Variants in CDH4 observed in about 807,000 individuals in gnomAD.
CDH4 encodes the protein cadherin 4.
CDH4 carries 33 observed loss-of-function variants against 86.0 expected under a neutral mutation model. The observed-to-expected ratio is 0.38, with a 90% CI of 0.29 to 0.51. The LOEUF (loss-of-function observed/expected upper bound fraction) is 0.51. Among genes scored for constraint, CDH4 ranks in the 20% least tolerant of loss-of-function variants. CDH4 has a pLI of 0.86. For missense variants in CDH4, 1,114 were observed against 1,307.4 expected (o/e 0.85, Z 2.28); for synonymous variants, 555 against 549.4 (o/e 1.01, Z -0.14).
chr20:61,523,928 C>T (rs1435056717), intron 2 of CDH4, among the ~76,000 whole-genome samples: 3 of 152,192 alleles, frequency 2.0e-5, no homozygotes, highest in African/African-American at 7.2e-5. Flanking sequence ...TGGACAACAC[C>T]CGCCACTTTG....
At chr20:61,491,165 T>A (rs1366182681) in intron 2 of CDH4, among the ~76,000 whole-genome samples, 1 of 152,248 alleles carries the variant, frequency 6.6e-6, no homozygotes, top group Non-Finnish European at 1.5e-5. Context: ...ATGTTGGGTT[T>A]TCTAATTAGA....
At position 61,550,728 on chromosome 20, in the gene CDH4, A is replaced by C. The variant is rs1209177232; in HGVS notation, c.170-192835A>C. Among the ~76,000 whole-genome samples, 5 of 152,298 alleles carry C rather than the reference A, an allele frequency of 3.3e-5. No individual in the cohort carries two copies. In the East Asian group the frequency reaches 9.7e-4, roughly 29 times the overall value. ...CTCTTCTTTGGGCTCCTTGCAGTGC[A>C]GAGAGCCACATGGTGGTGTCTGTGC... On this transcript the variant is annotated intron_variant, in intron 2 of 15. Coordinates refer to ENST00000614565, the MANE Select transcript of CDH4 (RefSeq NM_001794.5).
At chr20:61,769,411 G>T (rs1268179316) in intron 3 of CDH4, among the ~76,000 whole-genome samples, 1 of 152,170 alleles carries the variant, frequency 6.6e-6, no homozygotes, top group Admixed American at 6.5e-5. Flanking sequence ...CCGGGTGGGT[G>T]CAGGAAACAT....
At chr20:61,567,635 C>A (rs2086309773) in intron 2 of CDH4, among the ~76,000 whole-genome samples, 1 of 152,198 alleles carries the variant, frequency 6.6e-6, no homozygotes, top group Non-Finnish European at 1.5e-5. Flanking sequence ...CTGTTGCAGA[C>A]CATGCCGGGT....
intron 13 of CDH4, among the ~76,000 whole-genome samples, chr20:61,932,482 A>G (rs1190229397): frequency 1.3e-5 from 2 of 152,120 alleles, no homozygotes; most frequent in East Asian, 1.9e-4. Context: ...CTCACGCCCC[A>G]TGAGCATACA....
intron 15 of CDH4, among the ~76,000 whole-genome samples, chr20:61,934,821 A>C (rs4925318): frequency 6.7e-6 from 1 of 149,254 alleles, no homozygotes; most frequent in South Asian, 2.1e-4. Flanking sequence ...CCACCTGCCC[A>C]ACCTGACACT....
intron 5 of CDH4, among the ~76,000 whole-genome samples, chr20:61,849,179 G>A (rs749559628): frequency 5.3e-5 from 8 of 151,946 alleles, no homozygotes; most frequent in Admixed American, 4.6e-4. Flanking sequence ...CTGTCCCACC[G>A]AGATGGAGGC....
chr20:61,471,712 A>G (rs910207265), intron 2 of CDH4, among the ~76,000 whole-genome samples: 12 of 151,784 alleles, frequency 7.9e-5, no homozygotes, highest in African/African-American at 2.4e-4. Flanking sequence ...TTTTGTTTCC[A>G]TTATAATGTT....
intron 2 of CDH4, among the ~76,000 whole-genome samples, chr20:61,331,790 C>T (rs567167112): frequency 1.3e-3 from 147 of 113,514 alleles, no homozygotes; most frequent in African/African-American, 4.5e-3. Flanking sequence ...AGCCTGCCTG[C>T]AGCAGTCTTG....
chr20:61,826,808 T>TA (rs1981337297), intron 4 of CDH4, among the ~76,000 whole-genome samples: 1 of 152,194 alleles, frequency 6.6e-6, no homozygotes, highest in Non-Finnish European at 1.5e-5. Context: ...CATGGCCTCC[T>TA]ACCTGTCTCC....
chr20:61,285,248 A>G (rs977403049), intron 2 of CDH4, among the ~76,000 whole-genome samples: 17 of 152,228 alleles, frequency 1.1e-4, no homozygotes, highest in African/African-American at 4.1e-4. Flanking sequence ...CCCGTGTGAC[A>G]TCGTCAAGGT....
chr20:61,633,158 TCATCCACCCATCCATCCACCCATC>T (rs1359301780), intron 2 of CDH4, among the ~76,000 whole-genome samples: 1 of 130,576 alleles, frequency 7.7e-6, no homozygotes, highest in Non-Finnish European at 1.7e-5. Flanking sequence ...ATCCACCCAT[TCATCCACCCATCCATCCACCCATC>T]CATCCTCCAT....
intron 4 of CDH4, among the ~76,000 whole-genome samples, chr20:61,827,426 A>G (rs1196544252): frequency 6.6e-6 from 1 of 152,212 alleles, no homozygotes; most frequent in Admixed American, 6.5e-5. Flanking sequence ...TTTGTGTCCT[A>G]TGGAATAAAG....
chr20:61,317,772 A>G lies in CDH4; in HGVS notation c.169+62835A>G, dbSNP rs78335395. ...GCCCGAGACCCCCACGGTTCTAGAC[A>G]AAGGGCACTTCTGGGAAGCGTTTTT... On this transcript the variant is annotated intron_variant, in intron 2 of 15. Transcript: ENST00000614565. Among the ~76,000 whole-genome samples, 53 of 152,274 alleles carry G rather than the reference A, an allele frequency of 3.5e-4. No homozygotes were observed. The East Asian group carries it at 9.7e-3, about 28-fold the overall frequency.
intron 2 of CDH4, among the ~76,000 whole-genome samples, chr20:61,692,462 A>G (rs1004148248): frequency 2.0e-5 from 3 of 152,242 alleles, no homozygotes; most frequent in African/African-American, 7.2e-5. Flanking sequence ...AAATAGATAG[A>G]CTGACATAAG....
Position 61,810,786 on chromosome 20 carries a change from T to TGGGACCCCC in CDH4, c.577-33881_577-33873dup, listed in dbSNP as rs1490493109. Among the ~76,000 whole-genome samples, 8 of 152,298 alleles carry TGGGACCCCC rather than the reference T, an allele frequency of 5.3e-5. No homozygotes were observed. The highest frequency in any genetic ancestry group is 1.2e-4 in the Non-Finnish European group (8 of 68,022). On this transcript the variant is annotated intron_variant, in intron 4 of 15. Transcript: ENST00000614565. This position sits in a 1 kb window ranked among gnomAD's most constrained non-coding sequence, Gnocchi z 4.3. The stretch of plus-strand genomic sequence containing the variant: ...AGGGCCCGCAGTCTGCAAGAACTCC[T>TGGGACCCCC]GGGACCCCCAGATGCCTCGGTGGTC...
chr20:61,660,456 C>T (rs993556749), intron 2 of CDH4, among the ~76,000 whole-genome samples: 9 of 152,234 alleles, frequency 5.9e-5, no homozygotes, highest in African/African-American at 1.9e-4. Context: ...CGCCGGGACT[C>T]GCTTGCACCT....
Position 61,732,960 on chromosome 20 carries a change from G to A in CDH4, c.170-10603G>A, listed in dbSNP as rs369196378. ...TGTGCTGGGAGCCCCTTCAGCACCG[G>A]CTAGAGTGACCAGCTGGGGGCCTAA... is the stretch of plus-strand genomic sequence containing the variant. On this transcript the variant is annotated intron_variant, in intron 2 of 15. Coordinates refer to ENST00000614565, the MANE Select transcript of CDH4 (RefSeq NM_001794.5). Among the ~76,000 whole-genome samples, 57 of 152,280 alleles carry A rather than the reference G, an allele frequency of 3.7e-4. 1 individual carries two copies. In the East Asian group the frequency reaches 7.5e-3, roughly 20 times the overall value.
rs954237607 is a variant in CDH4, at chr20:61,613,905, C to T, written c.170-129658C>T. ...TTTGTTTCCCCACAGTGGTTGCTGG[C>T]GCTTGATTTTTCCAAATGCAGCTTA... is the stretch of plus-strand genomic sequence containing the variant. On this transcript the variant is annotated intron_variant, in intron 2 of 15. Coordinates refer to ENST00000614565, the MANE Select transcript of CDH4 (RefSeq NM_001794.5). 4.6e-5 allele frequency among the ~76,000 whole-genome samples: 7 copies of T among 152,090 alleles called. 1 individual carries two copies. Among genetic ancestry groups the T allele is most frequent in the South Asian group, 4.2e-4 (2 of 4,814 alleles).
Sources: allele counts gnomAD v4.1 joint callset (sites outside exome capture counted in the v4.1 genomes callset), GRCh38; gene constraint gnomAD v4.1.1; non-coding constraint Gnocchi (gnomAD v3.1); transcripts MANE v1.5; gene names NCBI Gene and HGNC (gene_info 2026-07-23, HGNC 2026-07-21).